The following SRD5A2 variants were observed in gnomAD, a reference collection of about 807,000 sequenced individuals.
The protein encoded by SRD5A2 is 3-oxo-5-alpha-steroid 4-dehydrogenase 2.
A neutral mutation model predicts 27.4 loss-of-function variants in SRD5A2; 30 were observed. That is an observed-to-expected ratio of 1.10 (90% CI 0.82 to 1.49). SRD5A2 has a LOEUF of 1.49. Among genes scored for constraint, SRD5A2 ranks in the 40% most tolerant of loss-of-function variants. SRD5A2 has a pLI of 0.00. For missense variants in SRD5A2, 348 were observed against 323.4 expected, an observed-to-expected ratio of 1.08 and a Z score of -0.58; for synonymous variants, 141 against 133.6, an observed-to-expected ratio of 1.06 and a Z score of -0.38.
At chr2:31,641,261 C>T in the SRD5A2 span, among the ~76,000 whole-genome samples, 6 of 151,914 alleles carry the variant, frequency 3.9e-5, no homozygotes, top group Admixed American at 1.3e-4. Flanking sequence ...CAAAGATATA[C>T]AGAGTAAAAA....
At chr2:31,535,311 C>T (rs376349841) in intron 1 of SRD5A2, among the ~76,000 whole-genome samples, 16 of 152,138 alleles carry the variant, frequency 1.1e-4, no homozygotes, top group East Asian at 1.9e-4. Flanking sequence ...TGAGCCACCG[C>T]GCCCAGCTGA....
At position 31,580,770 on chromosome 2, in the gene SRD5A2, G is replaced by A. The variant is rs765140743; in HGVS notation, c.131C>T (p.Ala44Val). ...GKHTESLKPA[A>V]TRLPARAAWF... is the part of the protein sequence containing the mutation. The stretch of plus-strand genomic sequence containing the variant: ...GGCGGCGCGGGCTGGCAGGCGGGTA[G>A]CCGCCGGCTTCAGGCTCTCCGTGTG... The change falls in exon 1 of 5, where the codon GCT becomes GTT. Residue 44 changes from alanine (A) to valine (V), a missense_variant. Transcript: ENST00000622030. 6.2e-7 allele frequency: 1 copy of A among 1,610,990 alleles called. No individual in the cohort carries two copies. Among genetic ancestry groups the A allele is most frequent in the African/African-American group, 1.3e-5 (1 of 75,058 alleles).
the SRD5A2 span, among the ~76,000 whole-genome samples, chr2:31,636,646 C>T: frequency 6.6e-6 from 1 of 151,970 alleles, no homozygotes; most frequent in African/African-American, 2.4e-5. Flanking sequence ...AACTATGTCC[C>T]TCCTCTACCC....
At chr2:31,529,670 G>A (rs562108907) in intron 3 of SRD5A2, among the ~76,000 whole-genome samples, 2 of 152,278 alleles carry the variant, frequency 1.3e-5, no homozygotes, top group African/African-American at 2.4e-5. Context: ...CTGGAGTTGC[G>A]AAGAGTGGCC....
At chr2:31,570,360 T>C (rs570952638) in intron 1 of SRD5A2, among the ~76,000 whole-genome samples, 1 of 152,200 alleles carries the variant, frequency 6.6e-6, no homozygotes, top group South Asian at 2.1e-4. Flanking sequence ...AAATGAGGCA[T>C]TAAAGAAACA....
chr2:31,605,331 G>A, the SRD5A2 span, among the ~76,000 whole-genome samples: 2 of 151,640 alleles, frequency 1.3e-5, no homozygotes, highest in Non-Finnish European at 3.0e-5. Context: ...CACAGTAAAG[G>A]AAACAAACAG....
chr2:31,605,204 A>C, the SRD5A2 span, among the ~76,000 whole-genome samples: 1 of 152,028 alleles, frequency 6.6e-6, no homozygotes, highest in Non-Finnish European at 1.5e-5. Flanking sequence ...CTACAAGAAG[A>C]CATTGGGGAA....
chr2:31,660,810 T>C, the SRD5A2 span, among the ~76,000 whole-genome samples: 1 of 151,966 alleles, frequency 6.6e-6, no homozygotes, highest in African/African-American at 2.4e-5. Flanking sequence ...AAATAAAATA[T>C]GGTAACATAA....
the SRD5A2 span, among the ~76,000 whole-genome samples, chr2:31,631,531 G>A: frequency 3.3e-5 from 5 of 152,062 alleles, no homozygotes; most frequent in East Asian, 7.7e-4. Flanking sequence ...TGGAGAATTC[G>A]GCCCAGCCAG....
chr2:31,557,999 T>C (rs903723494), intron 1 of SRD5A2, among the ~76,000 whole-genome samples: 2 of 152,324 alleles, frequency 1.3e-5, no homozygotes, highest in African/African-American at 4.8e-5. Flanking sequence ...CTAGGCTCTA[T>C]AGAGTCCAAA....
the SRD5A2 span, among the ~76,000 whole-genome samples, chr2:31,601,168 G>C: frequency 2.0e-5 from 3 of 151,550 alleles, no homozygotes; most frequent in East Asian, 5.8e-4. Flanking sequence ...AAAATAAATA[G>C]GTCACTAGCT....
chr2:31,635,591 T>A, the SRD5A2 span, among the ~76,000 whole-genome samples: 22 of 152,260 alleles, frequency 1.4e-4, no homozygotes, highest in Admixed American at 3.3e-4. Flanking sequence ...TTACTTCAGT[T>A]GCCTGTACTT....
chr2:31,552,551 G>A (rs1323922853), intron 1 of SRD5A2, among the ~76,000 whole-genome samples: 1 of 152,100 alleles, frequency 6.6e-6, no homozygotes, highest in Non-Finnish European at 1.5e-5. Flanking sequence ...GGGAGAAATT[G>A]CAGAACCTAG....
chr2:31,557,564 T>C (rs954456863), intron 1 of SRD5A2, among the ~76,000 whole-genome samples: 1 of 152,148 alleles, frequency 6.6e-6, no homozygotes, highest in South Asian at 2.1e-4. Flanking sequence ...TAATCAACAA[T>C]TTGTTTTAAT....
chr2:31,560,056 C>T (rs1243721036), intron 1 of SRD5A2, among the ~76,000 whole-genome samples: 1 of 3,278 alleles, frequency 3.1e-4, no homozygotes, highest in Admixed American at 4.1e-3. Context: ...ACATACCAAT[C>T]CCCCCCCCCC....
At chr2:31,583,644 AAAAAAACCAAAAAAAAAGC>A (rs1192376157), upstream of SRD5A2, among the ~76,000 whole-genome samples, 4 of 29,190 alleles carry the variant, frequency 1.4e-4, no homozygotes, top group Admixed American at 3.9e-4. Flanking sequence ...AAAAAGCAAA[AAAAAAACCAAAAAAAAAGC>A]AAAAAAAAAA....
chr2:31,606,215 A>T, the SRD5A2 span, among the ~76,000 whole-genome samples: 1 of 151,892 alleles, frequency 6.6e-6, no homozygotes, highest in African/African-American at 2.4e-5. Flanking sequence ...AATGAGTAAG[A>T]CCTACTAATT....
chr2:31,609,153 C>T, the SRD5A2 span, among the ~76,000 whole-genome samples: 1 of 152,038 alleles, frequency 6.6e-6, no homozygotes, highest in Admixed American at 6.6e-5. Context: ...AAAATAAATT[C>T]CTGTTTTTTA....
At chr2:31,526,291 A>C (rs1183241260) in intron 4 of SRD5A2, 29 bp from the exon 5 acceptor site, 1 of 1,439,570 alleles carries the variant, frequency 6.9e-7, no homozygotes, top group Non-Finnish European at 9.6e-7. Context: ...ATAATTGTAA[A>C]TATAATGGAG....
Sources: gnomAD v4.1 joint callset for allele counts (sites outside exome capture counted in the v4.1 genomes callset) on GRCh38, gnomAD v4.1.1 for gene constraint, MANE v1.5 for transcripts, NCBI Gene and HGNC (gene_info 2026-07-23, HGNC 2026-07-21) for gene names.